TRIM69: variants seen among roughly 807,000 people sequenced by gnomAD.
TRIM69 encodes the protein E3 ubiquitin-protein ligase TRIM69.
A neutral mutation model predicts 37.7 loss-of-function variants in TRIM69; 29 were observed. The observed-to-expected ratio is 0.77, with a 90% CI of 0.57 to 1.05. TRIM69 has a LOEUF of 1.05. Among genes scored for constraint, TRIM69 ranks in the 50% least tolerant of loss-of-function variants. The probability of loss-of-function intolerance (pLI) is 0.00; values close to 1 mark genes in which losing one functional copy is unlikely to be tolerated. For missense variants in TRIM69, 596 were observed against 579.9 expected (o/e 1.03, Z -0.28); for synonymous variants, 209 against 212.4 (o/e 0.98, Z 0.14).
chr15:44,739,344 T>A (rs1022353937), intron 1 of TRIM69, among the ~76,000 whole-genome samples: 2 of 152,216 alleles, frequency 1.3e-5, no homozygotes, highest in Non-Finnish European at 2.9e-5. Context: ...GAGGTACCAG[T>A]TTCATCTCAC....
At chr15:44,747,363 C>T (rs745917555) in intron 1 of TRIM69, among the ~76,000 whole-genome samples, 7 of 152,132 alleles carry the variant, frequency 4.6e-5, no homozygotes, top group Non-Finnish European at 1.0e-4. Flanking sequence ...TCAAATATAA[C>T]CCTGCCTCCA....
intron 1 of TRIM69, among the ~76,000 whole-genome samples, chr15:44,736,979 A>G (rs1264951054): frequency 6.6e-6 from 1 of 152,230 alleles, no homozygotes; most frequent in Non-Finnish European, 1.5e-5. Flanking sequence ...TACTTTCATT[A>G]TCAATGTAAT....
chr15:44,766,967 G>A lies in TRIM69; in HGVS notation c.962-264G>A, dbSNP rs370352335. On this transcript the variant is annotated intron_variant, in intron 6 of 6. Coordinates refer to ENST00000329464, the MANE Select transcript of TRIM69 (RefSeq NM_182985.5). ...CCAGCTATTTGGGGGGCTGAGGCAC[G>A]AGAATTGCTTGAACCCAGGAAGCGG... Among the ~76,000 whole-genome samples, 14 of 139,458 alleles carry A rather than the reference G, an allele frequency of 1.0e-4. No homozygotes were observed. The East Asian group carries it at 2.1e-3, about 21-fold the overall frequency. The allele number at this position is 139,458 out of a possible 152,430, so 91.5% of individuals were successfully genotyped here.
Position 44,767,794 on chromosome 15 carries a change from T to G in TRIM69, c.*22T>G, listed in dbSNP as rs779291067. 1 of 1,575,612 alleles carries G rather than the reference T, an allele frequency of 6.3e-7. No homozygotes were observed. Among genetic ancestry groups the G allele is most frequent in the Middle Eastern group, 1.7e-4 (1 of 5,886 alleles). On this transcript the variant is annotated 3_prime_UTR_variant, in exon 7 of 7. Transcript: ENST00000329464. Reference sequence around the variant, plus strand: ...GTAATGAGTCATAATATTATACAAATTCAGAGTGTTATTAAAGAGGTATTG... The same window carrying G: ...GTAATGAGTCATAATATTATACAAAGTCAGAGTGTTATTAAAGAGGTATTG...
intron 3 of TRIM69, 76 bp downstream of exon 3, chr15:44,756,539 G>A: frequency 2.0e-6 from 2 of 994,490 alleles, no homozygotes; most frequent in Non-Finnish European, 3.1e-6. Context: ...TGGGTACAAA[G>A]GTGCCTAACA....
At chr15:44,747,585 T>C (rs2087435921) in intron 1 of TRIM69, among the ~76,000 whole-genome samples, 1 of 152,070 alleles carries the variant, frequency 6.6e-6, no homozygotes, top group Admixed American at 6.6e-5. Context: ...ATCTGTCTGA[T>C]AGGAATTTCA....
intron 3 of TRIM69, chr15:44,757,056 T>C (rs1275333798): frequency 6.6e-6 from 1 of 152,236 alleles, no homozygotes; most frequent in East Asian, 1.9e-4. Context: ...TTATTCATTA[T>C]TCTATGGAGA....
rs1261858528 is a variant in TRIM69, at chr15:44,767,100, C to CTTGCCTGTCT, written c.962-130_962-121dup. ...AAAAAAAAAAGCATATAAGTAATTG[C>CTTGCCTGTCT]TTGCCTGTCTAAGAGTCTATGTGTA... is the stretch of plus-strand genomic sequence containing the variant. On this transcript the variant is annotated intron_variant, in intron 6 of 6. Coordinates refer to ENST00000329464, the MANE Select transcript of TRIM69 (RefSeq NM_182985.5). 2.4e-5 allele frequency: 4 copies of CTTGCCTGTCT among 165,962 alleles called. No homozygotes were observed. In the East Asian group the frequency reaches 5.1e-4, roughly 21 times the overall value. The allele number at this position is 165,962 out of a possible 1,614,324, so 10.3% of individuals were successfully genotyped here.
rs2470911 is a variant in TRIM69 at position 44,754,936 on chromosome 15, G to C, written c.43G>C (p.Asp15His). The C allele has an allele frequency of 6.2e-7, 1 of 1,613,566 alleles. No homozygotes were observed. The highest frequency in any genetic ancestry group is 8.5e-7 in the Non-Finnish European group (1 of 1,179,748). ...TNPSSNIDPG[D>H]YVEMNDSITH... is the part of the protein sequence containing the mutation. ...CCCCTCCTCCAACATCGATCCAGGC[G>C]ACTATGTTGAAATGAATGATTCAAT... The change falls in exon 2 of 7, where the codon GAC (aspartate) becomes CAC (histidine). Residue 15 changes from aspartate to histidine, a missense_variant. Asp to His is a moderately conservative substitution (Grantham distance 81). Transcript: ENST00000329464.
rs371758677 is a variant in TRIM69, at chr15:44,739,361, G to A, written c.6+2651G>A. On this transcript the variant is annotated intron_variant, in intron 1 of 6. Coordinates refer to ENST00000329464, the MANE Select transcript of TRIM69 (RefSeq NM_182985.5). ...GGTACCAGTTTCATCTCACTAGGGAGTGCCAGACAGTGGGCGCAGGACAGT... is the reference window on the plus strand; with the variant it reads ...GGTACCAGTTTCATCTCACTAGGGAATGCCAGACAGTGGGCGCAGGACAGT... Among the ~76,000 whole-genome samples, 144 of 152,368 alleles carry A rather than the reference G, an allele frequency of 9.5e-4. 3 individuals carry two copies. The South Asian group carries it at 0.025, about 26-fold the overall frequency.
chr15:44,758,859 G>A lies in TRIM69; in HGVS notation c.813+5G>A, dbSNP rs1596032297. 2.5e-6 allele frequency: 4 copies of A among 1,608,840 alleles called. No individual in the cohort carries two copies. The East Asian group carries it at 8.9e-5, about 36-fold the overall frequency. On this transcript the variant is annotated splice_donor_5th_base_variant and intron_variant, in intron 4 of 6. Transcript: ENST00000329464. ...AACTCCTTCGACTTTCTCAAAGTGAGAATCCACACCAATATGATTATGGGT... is the reference window on the plus strand; with the variant it reads ...AACTCCTTCGACTTTCTCAAAGTGAAAATCCACACCAATATGATTATGGGT...
At chr15:44,765,774 A>AAACAAT (rs398078149) in intron 6 of TRIM69, among the ~76,000 whole-genome samples, 1 of 149,274 alleles carries the variant, frequency 6.7e-6, no homozygotes, top group Non-Finnish European at 1.5e-5. Flanking sequence ...AAACAAAACA[A>AAACAAT]ACAAACAAAC....
chr15:44,741,417 A>C (rs1474817990), intron 1 of TRIM69, among the ~76,000 whole-genome samples: 2 of 152,152 alleles, frequency 1.3e-5, no homozygotes, highest in African/African-American at 4.8e-5. Context: ...CTAGAAAAGC[A>C]AGAGCAAACA....
intron 1 of TRIM69, among the ~76,000 whole-genome samples, chr15:44,746,981 G>A (rs950089932): frequency 5.9e-5 from 9 of 152,112 alleles, no homozygotes; most frequent in Non-Finnish European, 1.2e-4. Flanking sequence ...CAATCTATGA[G>A]GAAGGACTGC....
Position 44,767,230 on chromosome 15 carries a change from G to A in TRIM69, c.962-1G>A. On this transcript the variant is annotated splice_acceptor_variant, in intron 6 of 6. Coordinates refer to ENST00000329464, the MANE Select transcript of TRIM69 (RefSeq NM_182985.5). LOFTEE classifies it high-confidence loss of function. ...TCTGCTTTCTTTTATTTTCTTACTA[G>A]GCCTGTCTCCACTAACTCTGGACCC... The A allele has an allele frequency of 6.2e-7, 1 of 1,610,718 alleles. No homozygotes were observed. The highest frequency in any genetic ancestry group is 8.5e-7 in the Non-Finnish European group (1 of 1,178,474).
intron 1 of TRIM69, among the ~76,000 whole-genome samples, chr15:44,740,581 C>T (rs187164481): frequency 2.6e-5 from 4 of 152,240 alleles, no homozygotes; most frequent in African/African-American, 9.6e-5. Context: ...ATCTCACATG[C>T]AGAGACACAC....
At chr15:44,744,482 A>G (rs1395185640) in intron 1 of TRIM69, among the ~76,000 whole-genome samples, 1 of 152,130 alleles carries the variant, frequency 6.6e-6, no homozygotes, top group Admixed American at 6.6e-5. Flanking sequence ...GGTGGAGTAG[A>G]GAAGTCCCAA....
chr15:44,761,942 T>C (rs937596578), intron 6 of TRIM69, among the ~76,000 whole-genome samples: 6 of 152,162 alleles, frequency 3.9e-5, no homozygotes, highest in Non-Finnish European at 1.5e-5. Context: ...TTTTTCTCAC[T>C]CCATGGCTTG....
Position 44,743,159 on chromosome 15 carries a change from C to G in TRIM69, c.6+6449C>G, listed in dbSNP as rs574330955. 2.1e-3 allele frequency among the ~76,000 whole-genome samples: 321 copies of G among 152,162 alleles called. 2 individuals are homozygous for G. The highest frequency in any genetic ancestry group is 6.6e-3 in the African/African-American group (274 of 41,502). On this transcript the variant is annotated intron_variant, in intron 1 of 6. Coordinates refer to ENST00000329464, the MANE Select transcript of TRIM69 (RefSeq NM_182985.5). ...AGAACAGAGCCCTCAGAAATAATGC[C>G]GCATATCTACAACTATCTAACCTTT...
Sources: gnomAD v4.1 joint callset for allele counts (sites outside exome capture counted in the v4.1 genomes callset) on GRCh38, gnomAD v4.1.1 for gene constraint, MANE v1.5 for transcripts, NCBI Gene and HGNC (gene_info 2026-07-23, HGNC 2026-07-21) for gene names.